Variants in CLCN6 observed in about 807,000 individuals in gnomAD.
CLCN6 encodes Cl-/H+ antiporter 6, also known as H(+)/Cl(-) exchange transporter 6.
A neutral mutation model predicts 109.8 loss-of-function variants in CLCN6; 70 were observed. That is an observed-to-expected ratio of 0.64 (90% CI 0.53 to 0.78). The LOEUF is 0.78. Ranked by LOEUF, CLCN6 falls within the 30% of genes least tolerant of loss-of-function variation. The pLI is 0.00. For synonymous variants in CLCN6, 444 were observed against 447.8 expected, an observed-to-expected ratio of 0.99 and a Z score of 0.11; for missense variants, 984 against 1,142.3, an observed-to-expected ratio of 0.86 and a Z score of 2.00.
chr1:11,820,288 A>G, intron 5 of CLCN6: 2 of 653,244 alleles, frequency 3.1e-6, no homozygotes, highest in South Asian at 3.3e-5. Context: ...ACCCTGTCTT[A>G]AAAAAAATGA....
chr1:11,816,617 A>G lies in CLCN6; in HGVS notation c.216A>G (p.Lys72=), dbSNP rs1314475259. The change falls in exon 4 of 23, where the codon AAA becomes AAG. Residue 72 remains lysine (K), a splice_region_variant and synonymous_variant. Transcript: ENST00000346436. ...LEVLETMDNK[K]GRRYEAVKWM... The stretch of plus-strand genomic sequence containing the variant: ...TCATTCTTTTCCTGTGTGAACAGAA[A>G]GGTCGAAGATATGAGGCGGTGAAGT... 1 of 1,612,522 alleles carries G rather than the reference A, an allele frequency of 6.2e-7. No individual in the cohort carries two copies. The highest frequency in any genetic ancestry group is 1.7e-5 in the Admixed American group (1 of 59,840).
At chr1:11,824,004 C>T (rs960192182) in intron 7 of CLCN6, among the ~76,000 whole-genome samples, 171 bp downstream of exon 7, 2 of 152,226 alleles carry the variant, frequency 1.3e-5, no homozygotes, top group African/African-American at 4.8e-5. Flanking sequence ...CGTATGTTAC[C>T]ATTCAGATAC....
chr1:11,806,993 GT>G (rs938466244), intron 1 of CLCN6, 137 bp from the exon 2 acceptor site: 44 of 731,144 alleles, frequency 6.0e-5, no homozygotes, highest in South Asian at 7.1e-5. Flanking sequence ...CCCCTGAAAG[GT>G]TTTTTTTGAG....
intron 10 of CLCN6, among the ~76,000 whole-genome samples, chr1:11,827,503 T>G (rs1427091929): frequency 6.8e-6 from 1 of 146,576 alleles, no homozygotes; most frequent in African/African-American, 2.5e-5. Flanking sequence ...TGACGCGATC[T>G]CGGCTTACTG....
At chr1:11,822,923 T>C in intron 6 of CLCN6, 122 bp downstream of exon 6, 1 of 677,088 alleles carries the variant, frequency 1.5e-6, no homozygotes, top group Non-Finnish European at 2.6e-6. Flanking sequence ...AGTGGCCTCT[T>C]GTTCACTAAA....
Position 11,837,436 on chromosome 1 carries a change from G to C in CLCN6, c.2232G>C (p.Leu744=). Reference sequence around the variant, plus strand: ...TCCGCCCTCTGACCTTCCACGGCCTGATCCTTCGGTCGCAGCTTGTCACCC... The same window carrying C: ...TCCGCCCTCTGACCTTCCACGGCCTCATCCTTCGGTCGCAGCTTGTCACCC... ...ERFRPLTFHG[L]ILRSQLVTLL... is the part of the protein sequence containing the mutation. Residue 744 remains leucine, a synonymous_variant, in exon 20 of 23, where the codon CTG becomes CTC. Transcript: ENST00000346436. 1 of 1,614,182 alleles carries C rather than the reference G, an allele frequency of 6.2e-7. No individual in the cohort carries two copies. Among genetic ancestry groups the C allele is most frequent in the Non-Finnish European group, 8.5e-7 (1 of 1,180,016 alleles).
chr1:11,824,271 C>G (rs1416907946), intron 7 of CLCN6, among the ~76,000 whole-genome samples: 5 of 152,218 alleles, frequency 3.3e-5, no homozygotes, highest in Non-Finnish European at 1.5e-5. Context: ...CTCACAGGCT[C>G]TCATTTGCTG....
intron 6 of CLCN6, 25 bp downstream of exon 6, chr1:11,822,826 T>A: frequency 6.8e-7 from 1 of 1,474,306 alleles, no homozygotes; most frequent in Non-Finnish European, 9.5e-7. Context: ...ATTCACCTGC[T>A]CGCTTAGGAG....
chr1:11,826,288 TGCTCTAGCCTG>T (rs1644810639), intron 9 of CLCN6, 74 bp downstream of exon 9: 1 of 1,223,262 alleles, frequency 8.2e-7, no homozygotes, highest in Admixed American at 1.7e-5. Flanking sequence ...ACTCGACACT[TGCTCTAGCCTG>T]GCAGTATCCC....
Position 11,834,180 on chromosome 1 carries a change from C to T in CLCN6, c.1527-56C>T. The T allele has an allele frequency of 1.3e-6, 2 of 1,595,818 alleles. No individual in the cohort carries two copies. Among genetic ancestry groups the T allele is most frequent in the Non-Finnish European group, 1.7e-6 (2 of 1,170,934 alleles). ...CACAAGAGTATGAGCTGTAGGTCCTCCCCACAGCCTATCAGTGTGGTTCAA... is the reference window on the plus strand; with the variant it reads ...CACAAGAGTATGAGCTGTAGGTCCTTCCCACAGCCTATCAGTGTGGTTCAA... On this transcript the variant is annotated intron_variant, in intron 15 of 22. Transcript: ENST00000346436. This position sits in a 1 kb window ranked among gnomAD's most constrained non-coding sequence, Gnocchi z 4.5.
rs1376665624 is a variant in CLCN6, at chr1:11,808,213, ATG to A, written c.147+1035_147+1036del. 4.1e-5 allele frequency among the ~76,000 whole-genome samples: 5 copies of A among 123,444 alleles called. No homozygotes were observed. The East Asian group carries it at 6.9e-4, about 17-fold the overall frequency. The allele number at this position is 123,444 out of a possible 152,430, so 81.0% of individuals were successfully genotyped here. ...TTCTCATATTATTATTTTTTATTGTATGTGTGTGTGTGTTTGTGTGTGTGTGT... is the reference window on the plus strand; with the variant it reads ...TTCTCATATTATTATTTTTTATTGTATGTGTGTGTGTTTGTGTGTGTGTGT... On this transcript the variant is annotated intron_variant, in intron 2 of 22. Coordinates refer to ENST00000346436, the MANE Select transcript of CLCN6 (RefSeq NM_001286.5).
chr1:11,828,327 A>G (rs198401), intron 11 of CLCN6, 108 bp downstream of exon 11: 601,298 of 1,395,452 alleles, frequency 0.43, 139,314 homozygotes, highest in African/African-American at 0.82. Flanking sequence ...ACTTCCAGGG[A>G]CACATCTCAC....
rs201373379 is a variant in CLCN6 at position 11,834,381 on chromosome 1, A to G, written c.1672A>G (p.Met558Val). The G allele has an allele frequency of 5.6e-6, 9 of 1,613,792 alleles. No homozygotes were observed. The highest frequency in any genetic ancestry group is 7.6e-6 in the Non-Finnish European group (9 of 1,179,924). ...TGAGATCACCTACGGGCTCCCCATC[A>G]TGGTCACACTGATGGTGAGCACACT... ...TNEITYGLPI[M>V]VTLMVAKWTG... The change falls in exon 16 of 23, where the codon ATG (methionine) becomes GTG (valine). Residue 558 changes from methionine to valine, a missense_variant. Coordinates refer to ENST00000346436, the MANE Select transcript of CLCN6 (RefSeq NM_001286.5). The surrounding 1 kb of genome is among the most constrained non-coding windows in gnomAD (Gnocchi z 4.5).
chr1:11,840,330 C>A lies in CLCN6; in HGVS notation c.*107C>A. 1 of 975,186 alleles carries A rather than the reference C, an allele frequency of 1.0e-6. No homozygotes were observed. Among genetic ancestry groups the A allele is most frequent in the South Asian group, 1.3e-5 (1 of 77,958 alleles). 60.4% of individuals were successfully genotyped at this position (975,186 alleles called of 1,614,324 possible). On this transcript the variant is annotated 3_prime_UTR_variant, in exon 23 of 23. Coordinates refer to ENST00000346436, the MANE Select transcript of CLCN6 (RefSeq NM_001286.5). Reference sequence around the variant, plus strand: ...CCGGGGCATGGAAGATTCCCAGTCACCCACTCACTCAGAAAGCCGGGAGTC... The same window carrying A: ...CCGGGGCATGGAAGATTCCCAGTCAACCACTCACTCAGAAAGCCGGGAGTC...
intron 22 of CLCN6, among the ~76,000 whole-genome samples, chr1:11,839,293 A>C (rs1644990240): frequency 6.6e-6 from 1 of 152,108 alleles, no homozygotes; most frequent in South Asian, 2.1e-4. Flanking sequence ...ACAGGGTCTC[A>C]CTCTGTCACC....
chr1:11,817,074 A>T (rs75367103), intron 4 of CLCN6, among the ~76,000 whole-genome samples: 5,641 of 152,014 alleles, frequency 0.037, 153 homozygotes, highest in Middle Eastern at 0.078. Context: ...AAATAATGGA[A>T]GTTAAAGTTA....
chr1:11,839,841 C>T (rs777275684), intron 22 of CLCN6, among the ~76,000 whole-genome samples: 5 of 152,232 alleles, frequency 3.3e-5, no homozygotes, highest in Admixed American at 2.0e-4. Context: ...AAGGGCCCCA[C>T]CGCTTGCACA....
In CLCN6 at chr1:11,819,477, G is replaced by T; in HGVS notation, c.280-11G>T. 8.7e-6 allele frequency: 14 copies of T among 1,613,656 alleles called. No individual in the cohort carries two copies. The highest frequency in any genetic ancestry group is 1.2e-5 in the Non-Finnish European group (14 of 1,179,534). ...AATAAGGCTGTGTGACAGATCTCTT[G>T]CTCTTCACAGGTGGGTCTCTTTGTG... On this transcript the variant is annotated splice_polypyrimidine_tract_variant and intron_variant, in intron 4 of 22. Coordinates refer to ENST00000346436, the MANE Select transcript of CLCN6 (RefSeq NM_001286.5).
chr1:11,836,517 A>G (rs1270038975), intron 18 of CLCN6, among the ~76,000 whole-genome samples: 1 of 152,220 alleles, frequency 6.6e-6, no homozygotes, highest in African/African-American at 2.4e-5. Context: ...AGCTCAGGAC[A>G]GCTGGGAAAG....
Sources: allele counts gnomAD v4.1 joint callset (sites outside exome capture counted in the v4.1 genomes callset), GRCh38; gene constraint gnomAD v4.1.1; non-coding constraint Gnocchi (gnomAD v3.1); transcripts MANE v1.5; gene names NCBI Gene and HGNC (gene_info 2026-07-23, HGNC 2026-07-21).